The following SUPT3H variants were observed in gnomAD, a reference collection of about 807,000 sequenced individuals.
SUPT3H encodes transcription initiation protein SPT3 homolog.
A neutral mutation model predicts 44.3 loss-of-function variants in SUPT3H; 44 were observed. The observed-to-expected ratio is 0.99, with a 90% CI of 0.78 to 1.28. The LOEUF is 1.28. Among genes scored for constraint, SUPT3H ranks in the 50% most tolerant of loss-of-function variants. The pLI is 0.00. For synonymous variants in SUPT3H, 124 were observed against 125.6 expected (o/e 0.99, Z 0.09); for missense variants, 380 against 387.1 (o/e 0.98, Z 0.15).
intron 2 of SUPT3H, among the ~76,000 whole-genome samples, chr6:45,306,420 T>C (rs1191731352): frequency 6.6e-6 from 1 of 152,030 alleles, no homozygotes; most frequent in Non-Finnish European, 1.5e-5. Context: ...TGGTCTAAAA[T>C]CAACCTCGGC....
At chr6:45,321,845 A>G in intron 2 of SUPT3H, 1 of 1,600,596 alleles carries the variant, frequency 6.2e-7, no homozygotes, top group Non-Finnish European at 8.5e-7. Flanking sequence ...CAATAGGGAA[A>G]AACTGATTTT....
chr6:45,186,669 G>C (rs1157434614), intron 2 of SUPT3H, among the ~76,000 whole-genome samples: 1 of 152,106 alleles, frequency 6.6e-6, no homozygotes, highest in African/African-American at 2.4e-5. Flanking sequence ...GGAAAAATTT[G>C]AGAAAATCTC....
chr6:45,278,922 G>C (rs973385372), intron 2 of SUPT3H, among the ~76,000 whole-genome samples: 1 of 152,068 alleles, frequency 6.6e-6, no homozygotes, highest in African/African-American at 2.4e-5. Flanking sequence ...TCATTTAATT[G>C]ATAGAGTAGA....
intron 2 of SUPT3H, among the ~76,000 whole-genome samples, chr6:45,201,428 C>T (rs6905396): frequency 0.61 from 92,960 of 151,404 alleles, 29,046 homozygotes; most frequent in African/African-American, 0.74. Flanking sequence ...CAATGGAATG[C>T]GATTATCTAT....
intron 2 of SUPT3H, among the ~76,000 whole-genome samples, chr6:45,356,227 T>A (rs982475168): frequency 3.9e-5 from 6 of 152,138 alleles, no homozygotes; most frequent in East Asian, 3.8e-4. Context: ...AGGTTTTTTT[T>A]AAAATCTACA....
intron 2 of SUPT3H, among the ~76,000 whole-genome samples, chr6:45,289,161 AT>A (rs1173395441): frequency 2.0e-5 from 3 of 152,236 alleles, no homozygotes; most frequent in Middle Eastern, 3.4e-3. Flanking sequence ...TATTTGCTTA[AT>A]ATTTTCTTCA....
At chr6:45,049,264 G>C (rs1789904086) in intron 3 of SUPT3H, among the ~76,000 whole-genome samples, 1 of 152,134 alleles carries the variant, frequency 6.6e-6, no homozygotes, top group South Asian at 2.1e-4. Context: ...TGAGACTTCT[G>C]GTGCTGGATC....
chr6:45,094,495 T>C (rs182565040), intron 3 of SUPT3H, among the ~76,000 whole-genome samples: 38 of 152,224 alleles, frequency 2.5e-4, no homozygotes, highest in Middle Eastern at 3.4e-3. Flanking sequence ...TAGTAGGATA[T>C]ACTACAGCAG....
intron 10 of SUPT3H, among the ~76,000 whole-genome samples, chr6:44,914,086 T>C (rs1391949815): frequency 6.6e-6 from 1 of 152,234 alleles, no homozygotes; most frequent in African/African-American, 2.4e-5. Flanking sequence ...CTCCTTTGAA[T>C]ACATTTTTTT....
At chr6:45,255,943 G>A (rs759271862) in intron 2 of SUPT3H, among the ~76,000 whole-genome samples, 13 of 152,248 alleles carry the variant, frequency 8.5e-5, no homozygotes, top group African/African-American at 2.6e-4. Flanking sequence ...AGGCCGAGGC[G>A]GGAAGATCAC....
At chr6:45,147,020 C>T (rs192545128) in intron 2 of SUPT3H, among the ~76,000 whole-genome samples, 1 of 152,142 alleles carries the variant, frequency 6.6e-6, no homozygotes, top group Admixed American at 6.6e-5. Context: ...AAATTCTAGA[C>T]ACTTTACCAG....
intron 2 of SUPT3H, among the ~76,000 whole-genome samples, chr6:45,269,625 AAAC>A (rs1237575329): frequency 6.6e-6 from 1 of 152,224 alleles, no homozygotes; most frequent in Non-Finnish European, 1.5e-5. Context: ...TCTGACAGGT[AAAC>A]AACTAGTCAA....
intron 2 of SUPT3H, among the ~76,000 whole-genome samples, chr6:45,230,662 CTATATATATATATAT>C (rs1767817730): frequency 1.5e-5 from 1 of 68,718 alleles, no homozygotes; most frequent in Non-Finnish European, 3.1e-5. Flanking sequence ...TTCATTCAGT[CTATATATATATATAT>C]ATATATATAT....
At position 45,100,477 on chromosome 6, in the gene SUPT3H, G is replaced by C. The variant is rs142428317; in HGVS notation, c.186+5445C>G. On this transcript the variant is annotated intron_variant, in intron 3 of 10. Coordinates refer to ENST00000371459, the MANE Select transcript of SUPT3H (RefSeq NM_003599.4). The stretch of plus-strand genomic sequence containing the variant: ...AATCCCAGCTACTCATGAGGCTGAG[G>C]GGGGAAATGGCTTGCACCCAGGAGT... Among the ~76,000 whole-genome samples, 392 of 142,608 alleles carry C rather than the reference G, an allele frequency of 2.7e-3. 1 individual carries two copies. The highest frequency in any genetic ancestry group is 9.0e-3 in the African/African-American group (346 of 38,488). The allele number at this position is 142,608 out of a possible 152,430, so 93.6% of individuals were successfully genotyped here. A position where few individuals can be genotyped will look rare whatever the true frequency, so the allele number is the denominator to read the frequency against.
At chr6:44,927,820 G>T (rs1330651548) in intron 10 of SUPT3H, among the ~76,000 whole-genome samples, 3 of 152,060 alleles carry the variant, frequency 2.0e-5, no homozygotes, top group Non-Finnish European at 4.4e-5. Context: ...GAAATTTTTA[G>T]TTTTTTTCCG....
At chr6:44,888,658 C>G (rs1164258171) in intron 10 of SUPT3H, among the ~76,000 whole-genome samples, 1 of 152,072 alleles carries the variant, frequency 6.6e-6, no homozygotes, top group African/African-American at 2.4e-5. Flanking sequence ...CAGCCAATAT[C>G]ATACTGAATG....
At chr6:45,284,634 G>C (rs1778865166) in intron 2 of SUPT3H, among the ~76,000 whole-genome samples, 1 of 152,152 alleles carries the variant, frequency 6.6e-6, no homozygotes, top group African/African-American at 2.4e-5. Flanking sequence ...TCCAGTACCA[G>C]AGGGATTCAC....
At chr6:45,288,549 ATATATATATATATATG>A (rs1562881978) in intron 2 of SUPT3H, among the ~76,000 whole-genome samples, 148 of 2,078 alleles carry the variant, frequency 0.071, no homozygotes, top group African/African-American at 0.15. Context: ...GTGTGTGTGT[ATATATATATATATATG>A]TATATATATA....
intron 2 of SUPT3H, among the ~76,000 whole-genome samples, chr6:45,160,614 C>CAA (rs551602245): frequency 5.0e-5 from 7 of 138,886 alleles, no homozygotes; most frequent in Non-Finnish European, 7.9e-5. Context: ...TGAATTGAAA[C>CAA]AAAAAAAAAA....
Sources: gnomAD v4.1 joint callset for allele counts (sites outside exome capture counted in the v4.1 genomes callset) on GRCh38, gnomAD v4.1.1 for gene constraint, MANE v1.5 for transcripts, NCBI Gene and HGNC (gene_info 2026-07-23, HGNC 2026-07-21) for gene names.